The following PHACTR1 variants were observed in gnomAD, a reference collection of about 807,000 sequenced individuals.
The protein encoded by PHACTR1 is phosphatase and actin regulator 1, also known as RPEL repeat containing 1.
In PHACTR1, 16 loss-of-function variants were observed where a neutral mutation model predicts 69.2. That is an observed-to-expected ratio of 0.23 (90% CI 0.16 to 0.35). The LOEUF (loss-of-function observed/expected upper bound fraction) is 0.35. PHACTR1 is among the 10% of genes least tolerant of loss of function. The probability of loss-of-function intolerance (pLI) is 1.00; values close to 1 mark genes in which losing one functional copy is unlikely to be tolerated. For missense variants in PHACTR1, 510 were observed against 734.7 expected, an observed-to-expected ratio of 0.69 and a Z score of 3.54; for synonymous variants, 312 against 284.5, an observed-to-expected ratio of 1.10 and a Z score of -0.97.
intron 4 of PHACTR1, among the ~76,000 whole-genome samples, chr6:12,776,556 G>A (rs529031232): frequency 1.2e-4 from 19 of 152,252 alleles, no homozygotes; most frequent in South Asian, 2.1e-4. Flanking sequence ...AGCTTCTAAC[G>A]GGAACTCAGA....
At chr6:12,718,056 T>C (rs1235152612) in intron 2 of PHACTR1, among the ~76,000 whole-genome samples, 12 of 152,142 alleles carry the variant, frequency 7.9e-5, no homozygotes, top group Non-Finnish European at 1.6e-4. Flanking sequence ...TAGGGATCAC[T>C]GTAATGCTGC....
intron 4 of PHACTR1, among the ~76,000 whole-genome samples, chr6:12,773,962 A>T (rs1442519287): frequency 6.6e-6 from 1 of 152,186 alleles, no homozygotes; most frequent in Non-Finnish European, 1.5e-5. Flanking sequence ...CTCCAACAAC[A>T]GTTTCCTCTT....
intron 4 of PHACTR1, among the ~76,000 whole-genome samples, chr6:12,782,199 C>T (rs547037900): frequency 2.5e-4 from 38 of 152,288 alleles, no homozygotes; most frequent in African/African-American, 8.4e-4. Flanking sequence ...TCATAGGTTT[C>T]TGGTCAACCC....
intron 8 of PHACTR1, among the ~76,000 whole-genome samples, chr6:13,216,995 C>G (rs1161666523): frequency 1.3e-5 from 2 of 152,100 alleles, no homozygotes; most frequent in Non-Finnish European, 2.9e-5. Context: ...AATAGAAATA[C>G]TGCCCTTTTC....
At chr6:12,806,443 C>A (rs1581838748) in intron 4 of PHACTR1, among the ~76,000 whole-genome samples, 2 of 151,976 alleles carry the variant, frequency 1.3e-5, no homozygotes, top group African/African-American at 2.4e-5. Flanking sequence ...TAATTCAGGC[C>A]CTTATTCCCT....
At chr6:12,877,852 C>T (rs1191171162) in intron 4 of PHACTR1, among the ~76,000 whole-genome samples, 1 of 152,214 alleles carries the variant, frequency 6.6e-6, no homozygotes, top group Non-Finnish European at 1.5e-5. Flanking sequence ...GTCCACAATT[C>T]AGGCTTTGGA....
At chr6:12,780,453 A>G (rs1770678997) in intron 4 of PHACTR1, among the ~76,000 whole-genome samples, 1 of 152,222 alleles carries the variant, frequency 6.6e-6, no homozygotes, top group African/African-American at 2.4e-5. Context: ...TGTAAACTTC[A>G]TACACAGCAA....
At chr6:13,257,505 T>C (rs1775345507) in intron 10 of PHACTR1, among the ~76,000 whole-genome samples, 2 of 152,114 alleles carry the variant, frequency 1.3e-5, no homozygotes, top group South Asian at 4.1e-4. Flanking sequence ...TTAAATCATA[T>C]TGAATTAAGT....
chr6:13,213,762 G>A (rs954569982), intron 8 of PHACTR1, among the ~76,000 whole-genome samples: 4 of 152,188 alleles, frequency 2.6e-5, no homozygotes, highest in African/African-American at 7.2e-5. Context: ...AGAGGCTGCA[G>A]CCCTCACCAG....
intron 4 of PHACTR1, among the ~76,000 whole-genome samples, chr6:12,979,835 G>T (rs140420565): frequency 1.7e-3 from 252 of 151,838 alleles, no homozygotes; most frequent in African/African-American, 5.8e-3. Flanking sequence ...AAAATCAAAC[G>T]CTAAAAGGTT....
At chr6:12,951,800 G>A (rs1014373277) in intron 4 of PHACTR1, among the ~76,000 whole-genome samples, 1 of 152,188 alleles carries the variant, frequency 6.6e-6, no homozygotes, top group Non-Finnish European at 1.5e-5. Flanking sequence ...TGACATTGAG[G>A]CTATGATGCT....
At chr6:13,189,088 T>C (rs1763170141) in intron 7 of PHACTR1, among the ~76,000 whole-genome samples, 1 of 152,266 alleles carries the variant, frequency 6.6e-6, no homozygotes, top group Admixed American at 6.5e-5. Context: ...ATAAGGTACC[T>C]GTGGCAGGTG....
chr6:13,164,965 T>A (rs1380074487), intron 6 of PHACTR1, among the ~76,000 whole-genome samples: 4 of 152,136 alleles, frequency 2.6e-5, no homozygotes, highest in African/African-American at 9.7e-5. Flanking sequence ...TTTTTTTTAT[T>A]ATTGGCTTCC....
chr6:13,168,948 G>A (rs146577303), intron 6 of PHACTR1, among the ~76,000 whole-genome samples: 1 of 152,248 alleles, frequency 6.6e-6, no homozygotes, highest in African/African-American at 2.4e-5. Flanking sequence ...AATCAGATTT[G>A]CAGCCTCATC....
intron 5 of PHACTR1, among the ~76,000 whole-genome samples, chr6:13,055,748 T>C (rs749865851): frequency 3.3e-5 from 5 of 152,220 alleles, no homozygotes; most frequent in Non-Finnish European, 7.3e-5. Context: ...TATGCCAACG[T>C]CTTCAAGACA....
At chr6:12,868,425 A>C (rs562292934) in intron 4 of PHACTR1, among the ~76,000 whole-genome samples, 1 of 152,152 alleles carries the variant, frequency 6.6e-6, no homozygotes, top group Non-Finnish European at 1.5e-5. Context: ...ATGAAAATAC[A>C]TATTCTGGAG....
At chr6:13,103,739 G>A (rs945449459) in intron 5 of PHACTR1, among the ~76,000 whole-genome samples, 7 of 152,212 alleles carry the variant, frequency 4.6e-5, no homozygotes, top group Admixed American at 2.6e-4. Flanking sequence ...GTGATCAAGA[G>A]CAGGATCTTA....
intron 10 of PHACTR1, chr6:13,272,104 T>C (rs1357689404): frequency 6.6e-6 from 1 of 152,250 alleles, no homozygotes; most frequent in East Asian, 1.9e-4. Context: ...GGCTCCTGAG[T>C]CCGTGTCAGT....
chr6:13,000,662 GA>G (rs1490442311), intron 4 of PHACTR1, among the ~76,000 whole-genome samples: 17 of 11,596 alleles, frequency 1.5e-3, no homozygotes, highest in African/African-American at 7.7e-3. Flanking sequence ...GGAGGAAGGG[GA>G]AGGAAGGAAG....
Sources: gnomAD v4.1 joint callset for allele counts (sites outside exome capture counted in the v4.1 genomes callset) on GRCh38, gnomAD v4.1.1 for gene constraint, MANE v1.5 for transcripts, NCBI Gene and HGNC (gene_info 2026-07-23, HGNC 2026-07-21) for gene names.